DPF3: variants seen among roughly 807,000 people sequenced by gnomAD.
DPF3 encodes the protein double PHD fingers 3, also known as zinc finger protein DPF3.
DPF3 carries 18 observed loss-of-function variants against 56.8 expected under a neutral mutation model. The ratio of observed to expected loss-of-function variants is 0.32; its 90% CI spans 0.22 to 0.47. The LOEUF is 0.47. Among genes scored for constraint, DPF3 ranks in the 20% least tolerant of loss-of-function variants. The pLI is 1.00. For missense variants in DPF3, 403 were observed against 488.8 expected, an observed-to-expected ratio of 0.82 and a Z score of 1.65; for synonymous variants, 188 against 180.2, an observed-to-expected ratio of 1.04 and a Z score of -0.35.
intron 2 of DPF3, among the ~76,000 whole-genome samples, chr14:72,764,032 T>C (rs192354823): frequency 2.0e-5 from 3 of 152,306 alleles, no homozygotes; most frequent in Admixed American, 2.0e-4. Context: ...CTAAAACCCC[T>C]GGCATCTCCA....
chr14:72,731,662 C>T, intron 4 of DPF3, 145 bp downstream of exon 4: 1 of 1,148,392 alleles, frequency 8.7e-7, no homozygotes, highest in Non-Finnish European at 1.2e-6. Flanking sequence ...AATTTGGGAG[C>T]TTCCTGGCCA....
intron 1 of DPF3, chr14:72,879,716 G>T: frequency 7.0e-7 from 1 of 1,428,446 alleles, no homozygotes; most frequent in Non-Finnish European, 9.2e-7. Flanking sequence ...AGGGGAATGT[G>T]TGACAAGAGT....
At chr14:72,725,727 C>T (rs1336178009) in intron 4 of DPF3, among the ~76,000 whole-genome samples, 1 of 152,088 alleles carries the variant, frequency 6.6e-6, no homozygotes. Flanking sequence ...TAAGCCGCCT[C>T]CTGGATGACA....
At chr14:72,742,427 T>A (rs545679029) in intron 3 of DPF3, 1 of 152,356 alleles carries the variant, frequency 6.6e-6, no homozygotes, top group South Asian at 2.1e-4. Flanking sequence ...GGTCGCGTTG[T>A]CCATTGGCTC....
chr14:72,759,394 T>G lies in DPF3; in HGVS notation c.194-6023A>C, dbSNP rs951386488. Reference sequence around the variant, plus strand: ...GTAGAAATAATGGCTGGAGGCTGGGTGCAGCGGCTCATGCCTTTAATCCCA... The same window carrying G: ...GTAGAAATAATGGCTGGAGGCTGGGGGCAGCGGCTCATGCCTTTAATCCCA... On this transcript the variant is annotated intron_variant, in intron 2 of 10. Coordinates refer to ENST00000556509, the MANE Select transcript of DPF3 (RefSeq NM_001280542.3). Among the ~76,000 whole-genome samples, 46 of 151,970 alleles carry G rather than the reference T, an allele frequency of 3.0e-4. No individual in the cohort carries two copies. The East Asian group carries it at 7.5e-3, about 25-fold the overall frequency.
At chr14:72,781,305 T>C (rs1242815856) in intron 1 of DPF3, among the ~76,000 whole-genome samples, 1 of 152,208 alleles carries the variant, frequency 6.6e-6, no homozygotes, top group African/African-American at 2.4e-5. Flanking sequence ...GGCAAATGTA[T>C]GAAGATCTGA....
chr14:72,691,892 A>G (rs1389800416), intron 7 of DPF3, among the ~76,000 whole-genome samples: 1 of 152,090 alleles, frequency 6.6e-6, no homozygotes, highest in Admixed American at 6.5e-5. Flanking sequence ...CAGCCTCCAG[A>G]ACTGTGAGAA....
intron 8 of DPF3, among the ~76,000 whole-genome samples, chr14:72,660,790 G>A (rs1040640495): frequency 3.3e-5 from 5 of 152,210 alleles, no homozygotes; most frequent in African/African-American, 1.2e-4. Flanking sequence ...GGGAGTGGGT[G>A]ACAGCAACCC....
At chr14:72,809,296 A>ACAT (rs1270164291) in intron 1 of DPF3, among the ~76,000 whole-genome samples, 1 of 152,254 alleles carries the variant, frequency 6.6e-6, no homozygotes, top group African/African-American at 2.4e-5. Flanking sequence ...AGACACTCCC[A>ACAT]CATCATCGTC....
At chr14:72,861,786 A>AGAAAGAAAGAAAGAAAGAAG (rs1599504021) in intron 1 of DPF3, among the ~76,000 whole-genome samples, 3 of 150,974 alleles carry the variant, frequency 2.0e-5, no homozygotes, top group East Asian at 3.9e-4. Context: ...AAAGAAAGAA[A>AGAAAGAAAGAAAGAAAGAAG]GAAAGAAAGA....
intron 7 of DPF3, among the ~76,000 whole-genome samples, chr14:72,686,942 C>T (rs1887437705): frequency 6.6e-6 from 1 of 152,198 alleles, no homozygotes; most frequent in Non-Finnish European, 1.5e-5. Flanking sequence ...CGCCCTCAAG[C>T]CATATGTTAG....
In DPF3 at chr14:72,615,603, C is replaced by G. The variant is rs955521200; in HGVS notation, c.*3694G>C. ...CTGGAGGAATCTGGCCTCCTTCCCTCCCTTCCACCCACCCACAGGCTCTTC... is the reference window on the plus strand; with the variant it reads ...CTGGAGGAATCTGGCCTCCTTCCCTGCCTTCCACCCACCCACAGGCTCTTC... On this transcript the variant is annotated 3_prime_UTR_variant, in exon 11 of 11. Transcript: ENST00000556509. Among the ~76,000 whole-genome samples, 1 of 152,186 alleles carries G rather than the reference C, an allele frequency of 6.6e-6. No homozygotes were observed. Among genetic ancestry groups the G allele is most frequent in the African/African-American group, 2.4e-5 (1 of 41,452 alleles).
intron 1 of DPF3, chr14:72,773,946 T>C (rs1185688578): frequency 4.4e-6 from 2 of 455,426 alleles, no homozygotes; most frequent in Middle Eastern, 3.9e-4. Context: ...TTAGCTATTC[T>C]GAATAATGCT....
In DPF3 at chr14:72,784,641, G is replaced by A. The variant is rs369525687; in HGVS notation, c.33-12748C>T. On this transcript the variant is annotated intron_variant, in intron 1 of 10. Coordinates refer to ENST00000556509, the MANE Select transcript of DPF3 (RefSeq NM_001280542.3). Reference sequence around the variant, plus strand: ...TTATCATACAGGCCAGGAGCAAAGCGGTCAGCCTAAGTCTCCAATTCAAAA... The same window carrying A: ...TTATCATACAGGCCAGGAGCAAAGCAGTCAGCCTAAGTCTCCAATTCAAAA... Among the ~76,000 whole-genome samples, 21 of 152,178 alleles carry A rather than the reference G, an allele frequency of 1.4e-4. 2 individuals carry two copies. In the East Asian group the frequency reaches 2.1e-3, roughly 15 times the overall value.
intron 7 of DPF3, among the ~76,000 whole-genome samples, chr14:72,682,703 C>A (rs1215419477): frequency 6.6e-6 from 1 of 152,172 alleles, no homozygotes; most frequent in Non-Finnish European, 1.5e-5. Context: ...TGCTTTAGAC[C>A]TGAGGATTTG....
At chr14:72,731,652 A>C in intron 4 of DPF3, 155 bp downstream of exon 4, 1 of 1,026,380 alleles carries the variant, frequency 9.7e-7, no homozygotes, top group East Asian at 2.7e-5. Context: ...GTCAGAAAAG[A>C]ATTTGGGAGC....
At chr14:72,662,160 A>T (rs997843802) in intron 8 of DPF3, 3 of 985,274 alleles carry the variant, frequency 3.0e-6, no homozygotes, top group Non-Finnish European at 3.6e-6. Context: ...AGGAAAAAAA[A>T]ACTGAGCACT....
chr14:72,750,043 A>G (rs1000349782), intron 3 of DPF3, among the ~76,000 whole-genome samples: 1 of 152,178 alleles, frequency 6.6e-6, no homozygotes, highest in East Asian at 1.9e-4. Context: ...TTGAGCTTCC[A>G]ATGTTTATGA....
At chr14:72,668,065 G>A (rs879728746) in intron 8 of DPF3, among the ~76,000 whole-genome samples, 1 of 152,112 alleles carries the variant, frequency 6.6e-6, no homozygotes, top group Non-Finnish European at 1.5e-5. Context: ...ATATTCCAAG[G>A]AAAGCGCCCA....
Sources: allele counts gnomAD v4.1 joint callset (sites outside exome capture counted in the v4.1 genomes callset), GRCh38; gene constraint gnomAD v4.1.1; transcripts MANE v1.5; gene names NCBI Gene and HGNC (gene_info 2026-07-23, HGNC 2026-07-21).